Variants in NCKAP5 observed in about 807,000 individuals in gnomAD.
The protein encoded by NCKAP5 is NCK associated protein 5.
Under a neutral mutation model 167.0 loss-of-function variants are expected in NCKAP5, and 92 were observed. The ratio of observed to expected loss-of-function variants is 0.55; its 90% CI spans 0.47 to 0.66. The LOEUF (loss-of-function observed/expected upper bound fraction) is 0.66, where lower values mean the gene tolerates loss of function less well. NCKAP5 is among the 30% of genes least tolerant of loss of function. NCKAP5 has a pLI of 0.00. For missense variants in NCKAP5, 2,378 were observed against 2,315.0 expected (o/e 1.03, Z -0.56); for synonymous variants, 891 against 877.4 (o/e 1.02, Z -0.27).
Position 132,973,146 on chromosome 2 carries a change from G to A in NCKAP5, c.430-9277C>T, listed in dbSNP as rs145911014. ...CGGTGGCCCTTCTGCCTTCTACACC[G>A]TCACTGGGGAGTGACTCTAGGTCTG... On this transcript the variant is annotated intron_variant, in intron 7 of 19. Transcript: ENST00000409261. 9.4e-3 allele frequency among the ~76,000 whole-genome samples: 1,428 copies of A among 152,244 alleles called. 13 individuals are homozygous for A. The highest frequency in any genetic ancestry group is 0.032 in the Admixed American group (482 of 15,290).
chr2:132,770,458 T>C (rs1460697649), intron 16 of NCKAP5, among the ~76,000 whole-genome samples: 1 of 148,366 alleles, frequency 6.7e-6, no homozygotes, highest in Non-Finnish European at 1.5e-5. Context: ...ATACTATATA[T>C]AATATTATAA....
chr2:133,268,467 A>G (rs937760659), intron 4 of NCKAP5: 1 of 149,302 alleles, frequency 6.7e-6, no homozygotes, highest in Non-Finnish European at 1.5e-5. Context: ...ACTACTGGTT[A>G]GATTTTACAG....
rs78461289 is a variant in NCKAP5 at position 133,060,849 on chromosome 2, T to C, written c.342-66610A>G. On this transcript the variant is annotated intron_variant, in intron 6 of 19. Coordinates refer to ENST00000409261, the MANE Select transcript of NCKAP5 (RefSeq NM_207363.3). ...AATATCTTATAATTTTTTTGTGACA[T>C]GCTCTTCCCCTAGTGGGCTTCATCA... 8.3e-4 allele frequency among the ~76,000 whole-genome samples: 127 copies of C among 152,264 alleles called. 1 individual carries two copies. In the East Asian group the frequency reaches 0.016, roughly 19 times the overall value.
chr2:133,438,268 T>C (rs918412069), intron 3 of NCKAP5, among the ~76,000 whole-genome samples: 1 of 152,246 alleles, frequency 6.6e-6, no homozygotes, highest in Non-Finnish European at 1.5e-5. Flanking sequence ...ATGTTGGGAA[T>C]ATTACTGCAG....
rs1214591189 is a variant in NCKAP5, at chr2:132,783,204, C to T, written c.3607G>A (p.Ala1203Thr). 3 of 1,613,878 alleles carry T rather than the reference C, an allele frequency of 1.9e-6. No individual in the cohort carries two copies. Among genetic ancestry groups the T allele is most frequent in the African/African-American group, 1.3e-5 (1 of 74,934 alleles). Residue 1203 changes from alanine (A) to threonine (T), a missense_variant, in exon 14 of 20, where the codon GCG (alanine) becomes ACG (threonine). Transcript: ENST00000409261. ...SKNPASMEITAGERNVTLPDS... is the reference protein window; with the variant it reads ...SKNPASMEITTGERNVTLPDS... The stretch of plus-strand genomic sequence containing the variant: ...GGTAGGGTCACATTTCTTTCACCCG[C>T]TGTGATCTCCATGCTTGCTGGATTC...
intron 3 of NCKAP5, among the ~76,000 whole-genome samples, chr2:133,483,120 C>G (rs189542502): frequency 6.2e-4 from 95 of 152,250 alleles, no homozygotes; most frequent in African/African-American, 2.2e-3. Flanking sequence ...TATCTATCAT[C>G]TGTTTTTCTA....
chr2:132,672,116 A>G lies in NCKAP5; in HGVS notation c.*1173T>C, dbSNP rs1029448931. The G allele has an allele frequency of 6.6e-6, 1 of 152,428 alleles. No individual in the cohort carries two copies. The highest frequency in any genetic ancestry group is 1.5e-5 in the Non-Finnish European group (1 of 68,008). 9.4% of individuals were successfully genotyped at this position (152,428 alleles called of 1,614,324 possible). On this transcript the variant is annotated 3_prime_UTR_variant, in exon 20 of 20. Transcript: ENST00000409261. Reference sequence around the variant, plus strand: ...CCTTACATATAAACAGTCTTTGTAGAAAAAAAAGGATATTAAAAAGAATTC... The same window carrying G: ...CCTTACATATAAACAGTCTTTGTAGGAAAAAAAGGATATTAAAAAGAATTC...
chr2:133,553,182 A>G (rs1197172522), intron 2 of NCKAP5, among the ~76,000 whole-genome samples: 1 of 152,264 alleles, frequency 6.6e-6, no homozygotes, highest in Non-Finnish European at 1.5e-5. Flanking sequence ...AGATAAATAC[A>G]GGAATATACA....
At chr2:132,718,154 T>G (rs1689549789) in intron 19 of NCKAP5, among the ~76,000 whole-genome samples, 1 of 152,144 alleles carries the variant, frequency 6.6e-6, no homozygotes, top group Admixed American at 6.5e-5. Flanking sequence ...CATTGAACCT[T>G]CCCTACTCCT....
Position 132,785,096 on chromosome 2 carries a change from C to G in NCKAP5, c.1715G>C (p.Arg572Pro), listed in dbSNP as rs565324203. ...ERGPQGQGHG[R>P]MALNLQLSDT... ...TGAAAGCTGGAGGTTGAGAGCCATG[C>G]GGCCATGGCCTTGGCCCTGTGGGCC... Residue 572 changes from arginine (R) to proline (P), a missense_variant, in exon 14 of 20, where the codon CGC (arginine) becomes CCC (proline). By Grantham distance (103) the Arg-to-Pro change is moderately radical. Coordinates refer to ENST00000409261, the MANE Select transcript of NCKAP5 (RefSeq NM_207363.3). The G allele has an allele frequency of 1.2e-6, 2 of 1,614,066 alleles. No homozygotes were observed. The highest frequency in any genetic ancestry group is 1.7e-6 in the Non-Finnish European group (2 of 1,179,890).
intron 2 of NCKAP5, among the ~76,000 whole-genome samples, chr2:133,518,706 C>T (rs1462991051): frequency 6.6e-6 from 1 of 152,022 alleles, no homozygotes; most frequent in African/African-American, 2.4e-5. Context: ...AGTCATTTAA[C>T]CTCTCAGAAA....
At chr2:132,978,736 C>T (rs188466766) in intron 7 of NCKAP5, among the ~76,000 whole-genome samples, 4 of 152,258 alleles carry the variant, frequency 2.6e-5, no homozygotes, top group African/African-American at 7.2e-5. Context: ...CTTGGCTACA[C>T]GAATAAATGT....
At chr2:133,561,700 C>A (rs1688169877) in intron 1 of NCKAP5, among the ~76,000 whole-genome samples, 1 of 152,030 alleles carries the variant, frequency 6.6e-6, no homozygotes, top group African/African-American at 2.4e-5. Context: ...TGATATGGCA[C>A]AACTAATTAT....
At chr2:132,678,131 C>T (rs866241918) in intron 19 of NCKAP5, among the ~76,000 whole-genome samples, 6 of 151,776 alleles carry the variant, frequency 4.0e-5, no homozygotes, top group Non-Finnish European at 8.8e-5. Flanking sequence ...AAAATATGTA[C>T]GGTGATACAG....
chr2:133,200,570 G>A (rs1276766187), intron 5 of NCKAP5, among the ~76,000 whole-genome samples: 1 of 152,082 alleles, frequency 6.6e-6, no homozygotes. Context: ...AGCCTTCTTA[G>A]AGATTATACC....
chr2:133,009,689 G>A lies in NCKAP5; in HGVS notation c.342-15450C>T, dbSNP rs149106962. Among the ~76,000 whole-genome samples, 583 of 152,182 alleles carry A rather than the reference G, an allele frequency of 3.8e-3. 4 individuals carry two copies. Among genetic ancestry groups the A allele is most frequent in the African/African-American group, 0.013 (544 of 41,528 alleles). ...AGAAAAACTGCCAACTGTAGGAGAC[G>A]GGCAGACCCACAATGACCCCACAAT... On this transcript the variant is annotated intron_variant, in intron 6 of 19. Transcript: ENST00000409261.
At chr2:133,220,425 A>G (rs1268979509) in intron 4 of NCKAP5, among the ~76,000 whole-genome samples, 1 of 152,214 alleles carries the variant, frequency 6.6e-6, no homozygotes, top group African/African-American at 2.4e-5. Context: ...GAAGAATGAA[A>G]CAGAGCTACT....
intron 6 of NCKAP5, among the ~76,000 whole-genome samples, chr2:133,038,717 A>G (rs2149447479): frequency 6.6e-6 from 1 of 152,282 alleles, no homozygotes; most frequent in East Asian, 1.9e-4. Context: ...CCTGTATCAA[A>G]ACACTGCATG....
At chr2:133,176,676 C>T (rs1005586988) in intron 5 of NCKAP5, among the ~76,000 whole-genome samples, 2 of 152,184 alleles carry the variant, frequency 1.3e-5, no homozygotes, top group Admixed American at 6.5e-5. Context: ...CAAAAGCAAC[C>T]ATGGATCCTT....
Sources: allele counts gnomAD v4.1 joint callset (sites outside exome capture counted in the v4.1 genomes callset), GRCh38; gene constraint gnomAD v4.1.1; transcripts MANE v1.5; gene names NCBI Gene and HGNC (gene_info 2026-07-23, HGNC 2026-07-21).